GLS: variants seen among roughly 807,000 people sequenced by gnomAD.
The protein encoded by GLS is glutaminase kidney isoform, mitochondrial.
Under a neutral mutation model 86.7 loss-of-function variants are expected in GLS, and 36 were observed. The observed-to-expected ratio is 0.42, with a 90% CI of 0.32 to 0.55. The LOEUF (loss-of-function observed/expected upper bound fraction) is 0.55, where lower values mean the gene tolerates loss of function less well. Ranked by LOEUF, GLS falls within the 20% of genes least tolerant of loss-of-function variation. The pLI, the probability that GLS is intolerant of heterozygous loss-of-function variation, is 0.17. For synonymous variants in GLS, 317 were observed against 305.9 expected (o/e 1.04, Z -0.38); for missense variants, 528 against 833.4 (o/e 0.63, Z 4.51).
In GLS at chr2:190,921,137, G is replaced by T. The variant is rs2124894918; in HGVS notation, c.1072-8G>T. ...TGATTACTAATATTCCCTACTTTTG[G>T]TTTCTAGGTCATGCAGTTTTTGAAT... is the stretch of plus-strand genomic sequence containing the variant. On this transcript the variant is annotated splice_region_variant and splice_polypyrimidine_tract_variant and intron_variant, in intron 8 of 17. Transcript: ENST00000320717. The surrounding 1 kb of genome is among the most constrained non-coding windows in gnomAD (Gnocchi z 4.2). 1 of 1,604,278 alleles carries T rather than the reference G, an allele frequency of 6.2e-7. No individual in the cohort carries two copies. The highest frequency in any genetic ancestry group is 8.5e-7 in the Non-Finnish European group (1 of 1,171,736).
chr2:190,932,936 T>TTGC (rs1690154962), intron 14 of GLS: 1 of 1,332,830 alleles, frequency 7.5e-7, no homozygotes, highest in African/African-American at 1.5e-5. Context: ...TTGCAAGTTA[T>TTGC]AAATATTTAT....
chr2:190,917,322 G>A (rs1689570393), intron 7 of GLS, among the ~76,000 whole-genome samples: 1 of 152,170 alleles, frequency 6.6e-6, no homozygotes, highest in African/African-American at 2.4e-5. Flanking sequence ...ATCCGTTGAA[G>A]TTTTATCATG....
At chr2:190,940,837 GATCCCTCTATATAAA>G (rs1490900430) in intron 14 of GLS, among the ~76,000 whole-genome samples, 1 of 150,720 alleles carries the variant, frequency 6.6e-6, no homozygotes, top group Non-Finnish European at 1.5e-5. Flanking sequence ...TCCAAGATTA[GATCCCTCTATATAAA>G]TGAAAATGTA....
intron 14 of GLS, among the ~76,000 whole-genome samples, chr2:190,939,014 G>A (rs1459521911): frequency 1.3e-5 from 2 of 151,580 alleles, no homozygotes; most frequent in African/African-American, 2.4e-5. Context: ...AAATATATAA[G>A]TAAAACGATT....
intron 9 of GLS, among the ~76,000 whole-genome samples, chr2:190,923,358 A>G (rs1689807325): frequency 6.6e-6 from 1 of 152,182 alleles, no homozygotes; most frequent in Non-Finnish European, 1.5e-5. Context: ...CCCCAGTTAC[A>G]TCAGAATATT....
chr2:190,932,542 A>G, intron 14 of GLS: 1 of 378,980 alleles, frequency 2.6e-6, no homozygotes, highest in Non-Finnish European at 4.6e-6. Context: ...TGCAAAACCA[A>G]CAGAATAGAA....
At chr2:190,888,995 T>A (rs1462812464) in intron 1 of GLS, among the ~76,000 whole-genome samples, 2 of 152,254 alleles carry the variant, frequency 1.3e-5, no homozygotes, top group African/African-American at 4.8e-5. Flanking sequence ...ATGAATATGC[T>A]AATGTGTAAA....
Position 190,954,197 on chromosome 2 carries a change from G to GTGA in GLS, c.1713-387_1713-386insTGA, listed in dbSNP as rs2124949316. 6.6e-6 allele frequency among the ~76,000 whole-genome samples: 1 copy of GTGA among 151,984 alleles called. No individual in the cohort carries two copies. The highest frequency in any genetic ancestry group is 1.9e-4 in the East Asian group (1 of 5,182). On this transcript the variant is annotated intron_variant, in intron 15 of 17. Coordinates refer to ENST00000320717, the MANE Select transcript of GLS (RefSeq NM_014905.5). This position sits in a 1 kb window ranked among gnomAD's most constrained non-coding sequence, Gnocchi z 4.0. ...TTTTGAAGTCTGACAAGTACTAGTAGACTGTGAAATGTTTAAGAATGGGAG... is the reference window on the plus strand; with the variant it reads ...TTTTGAAGTCTGACAAGTACTAGTAGTGAACTGTGAAATGTTTAAGAATGGGAG...
intron 12 of GLS, among the ~76,000 whole-genome samples, chr2:190,929,789 CAT>C (rs1690039705): frequency 6.6e-6 from 1 of 151,838 alleles, no homozygotes; most frequent in Non-Finnish European, 1.5e-5. Context: ...TATTTATAAA[CAT>C]GTTGATAAAA....
At chr2:190,957,575 T>C (rs1460256900) in intron 17 of GLS, among the ~76,000 whole-genome samples, 5 of 152,260 alleles carry the variant, frequency 3.3e-5, no homozygotes, top group African/African-American at 1.2e-4. Flanking sequence ...TATTTTGAGA[T>C]ACATTCCATC....
rs139390332 is a variant in GLS at position 190,919,005 on chromosome 2, A to G, written c.1039-2019A>G. ...CAAAAATGACTGATCACAGATCCCC[A>G]TAAGACATCTAATAATTATCAAAAT... On this transcript the variant is annotated intron_variant, in intron 7 of 17. Transcript: ENST00000320717. Among the ~76,000 whole-genome samples, 204 of 152,238 alleles carry G rather than the reference A, an allele frequency of 1.3e-3. 2 individuals carry two copies. The highest frequency in any genetic ancestry group is 4.4e-3 in the African/African-American group (182 of 41,566).
chr2:190,881,690 C>A, intron 1 of GLS: 1 of 472,674 alleles, frequency 2.1e-6, no homozygotes, highest in Non-Finnish European at 3.7e-6. Flanking sequence ...TTCCCTTCTC[C>A]GCCCCCGGCG....
Position 190,905,187 on chromosome 2 carries a change from T to TTCTTTTTTCAACCAA in GLS, c.979+20_979+21insTCTTTTTTCAACCAA. ...AAGATGGTAAGAATTACATAAACAT[T>TTCTTTTTTCAACCAA]GGTTGAAAAAAGAAATGTCTCATTT... On this transcript the variant is annotated intron_variant, in intron 6 of 17. Transcript: ENST00000320717. The surrounding 1 kb of genome is among the most constrained non-coding windows in gnomAD (Gnocchi z 4.6). 1 of 1,459,990 alleles carries TTCTTTTTTCAACCAA rather than the reference T, an allele frequency of 6.8e-7. No homozygotes were observed. The highest frequency in any genetic ancestry group is 9.5e-7 in the Non-Finnish European group (1 of 1,057,000). The allele number at this position is 1,459,990 out of a possible 1,614,324, so 90.4% of individuals were successfully genotyped here.
Position 190,881,135 on chromosome 2 carries a change from GC to G in GLS, c.54del (p.Ala19ProfsTer3), listed in dbSNP as rs1376666756. ...GMLRDLLLRS[P>X]AGVSATLRRA... ...TGCTGCGGGACCTGCTCCTGCGGTC[GC>G]CCGCCGGCGTGAGCGCGACTCTGCG... On this transcript the variant is annotated frameshift_variant, in exon 1 of 18. Coordinates refer to ENST00000320717, the MANE Select transcript of GLS (RefSeq NM_014905.5). LOFTEE classifies it high-confidence loss of function. The G allele has an allele frequency of 6.4e-7, 1 of 1,555,604 alleles. No homozygotes were observed. Among genetic ancestry groups the G allele is most frequent in the Admixed American group, 1.9e-5 (1 of 53,924 alleles).
At position 190,936,684 on chromosome 2, in the gene GLS, A is replaced by G. The variant is rs546788733; in HGVS notation, c.1650+5047A>G. On this transcript the variant is annotated intron_variant, in intron 14 of 17. Coordinates refer to ENST00000320717, the MANE Select transcript of GLS (RefSeq NM_014905.5). ...GGAAAAGTGAAACCAAGAATATTAG[A>G]TTTCATGTGGAATTTAAAGCACTTT... Among the ~76,000 whole-genome samples the G allele has an allele frequency of 2.6e-5, 4 of 151,354 alleles. No individual in the cohort carries two copies. The East Asian group carries it at 7.7e-4, about 29-fold the overall frequency.
In GLS at chr2:190,952,689, C is replaced by T. The variant is rs145061317; in HGVS notation, c.1651-876C>T. On this transcript the variant is annotated intron_variant, in intron 14 of 17. Coordinates refer to ENST00000320717, the MANE Select transcript of GLS (RefSeq NM_014905.5). ...TAAACTTGTTTTCTACCATTGAGTCCAGTATCAGTTGAGTCATCAATATGA... is the reference window on the plus strand; with the variant it reads ...TAAACTTGTTTTCTACCATTGAGTCTAGTATCAGTTGAGTCATCAATATGA... Among the ~76,000 whole-genome samples the T allele has an allele frequency of 3.3e-3, 504 of 152,170 alleles. 8 individuals carry two copies. The highest frequency in any genetic ancestry group is 0.012 in the African/African-American group (495 of 41,520).
Position 190,916,014 on chromosome 2 carries a change from T to G in GLS, c.1039-5010T>G, listed in dbSNP as rs115116659. Among the ~76,000 whole-genome samples the G allele has an allele frequency of 5.7e-3, 861 of 152,306 alleles. 12 individuals carry two copies. The highest frequency in any genetic ancestry group is 0.018 in the African/African-American group (759 of 41,562). On this transcript the variant is annotated intron_variant, in intron 7 of 17. Transcript: ENST00000320717. ...GAGTAACATTGCTATAATAAAACTT[T>G]TAAAATTTCAATCTACTTGTCTATT...
In GLS at chr2:190,926,782, C is replaced by T. The variant is rs181814482; in HGVS notation, c.1249-524C>T. ...GACAGATCTGCTTTATATTTTTCTT[C>T]CCCTTTTTCCTTTGCCTGTTACCAT... On this transcript the variant is annotated intron_variant, in intron 11 of 17. Coordinates refer to ENST00000320717, the MANE Select transcript of GLS (RefSeq NM_014905.5). Among the ~76,000 whole-genome samples, 345 of 152,214 alleles carry T rather than the reference C, an allele frequency of 2.3e-3. 2 individuals are homozygous for T. The highest frequency in any genetic ancestry group is 3.8e-3 in the Non-Finnish European group (257 of 68,018).
Position 190,880,943 on chromosome 2 carries a change from G to C in GLS, c.-142G>C. On this transcript the variant is annotated 5_prime_UTR_variant, in exon 1 of 18. Transcript: ENST00000320717. ...GCACCCGCATCCGCTGCGGGAGTCC[G>C]AGCCGGAACCACACCCAAGTAGCTG... is the stretch of plus-strand genomic sequence containing the variant. The C allele has an allele frequency of 9.4e-7, 1 of 1,059,304 alleles. No homozygotes were observed. The highest frequency in any genetic ancestry group is 1.4e-6 in the Non-Finnish European group (1 of 725,044). 65.6% of individuals were successfully genotyped at this position (1,059,304 alleles called of 1,614,324 possible). A position where few individuals can be genotyped will look rare whatever the true frequency, so the allele number is the denominator to read the frequency against.
Sources: gnomAD v4.1 joint callset for allele counts (sites outside exome capture counted in the v4.1 genomes callset) on GRCh38, gnomAD v4.1.1 for gene constraint, Gnocchi (gnomAD v3.1) non-coding constraint, MANE v1.5 for transcripts, NCBI Gene and HGNC (gene_info 2026-07-23, HGNC 2026-07-21) for gene names.